OSBPL9: variants seen among roughly 807,000 people sequenced by gnomAD.
The protein encoded by OSBPL9 is oxysterol-binding protein-related protein 9.
OSBPL9 carries 40 observed loss-of-function variants against 106.6 expected under a neutral mutation model. The ratio of observed to expected loss-of-function variants is 0.38; its 90% CI spans 0.29 to 0.49. The LOEUF is 0.49. OSBPL9 is among the 20% of genes least tolerant of loss of function. OSBPL9 has a pLI of 0.97. For missense variants in OSBPL9, 609 were observed against 887.2 expected, an observed-to-expected ratio of 0.69 and a Z score of 3.98; for synonymous variants, 269 against 295.4, an observed-to-expected ratio of 0.91 and a Z score of 0.92.
the OSBPL9 span, among the ~76,000 whole-genome samples, chr1:51,570,264 A>G: frequency 1.3e-5 from 2 of 152,316 alleles, no homozygotes; most frequent in African/African-American, 4.8e-5. Flanking sequence ...CTCGTTACCA[A>G]TGTGTTTCAT....
intron 3 of OSBPL9, among the ~76,000 whole-genome samples, chr1:51,698,507 T>A (rs893116378): frequency 6.6e-6 from 1 of 152,214 alleles, no homozygotes; most frequent in African/African-American, 2.4e-5. Context: ...TGCATATGTA[T>A]GTATGAACTG....
At chr1:51,767,273 G>A (rs548873095) in intron 12 of OSBPL9, among the ~76,000 whole-genome samples, 10 of 151,614 alleles carry the variant, frequency 6.6e-5, no homozygotes, top group Admixed American at 1.3e-4. Flanking sequence ...CACGCCTGTC[G>A]TCCTAGCTAC....
At chr1:51,636,160 T>TG (rs1645431680) in intron 1 of OSBPL9, among the ~76,000 whole-genome samples, 2 of 137,582 alleles carry the variant, frequency 1.5e-5, no homozygotes, top group Non-Finnish European at 3.1e-5. Flanking sequence ...TTGTTTTTTT[T>TG]TTTTTTTTTT....
Position 51,788,103 on chromosome 1 carries a change from A to T in OSBPL9, c.*314A>T. ...ATCCAAGTCTGAAACTCTGCGCTCTAGTACTGCTGTTAAGATACACAACTT... is the reference window on the plus strand; with the variant it reads ...ATCCAAGTCTGAAACTCTGCGCTCTTGTACTGCTGTTAAGATACACAACTT... On this transcript the variant is annotated 3_prime_UTR_variant, in exon 24 of 24. Coordinates refer to ENST00000428468, the MANE Select transcript of OSBPL9 (RefSeq NM_024586.6). 2.9e-6 allele frequency: 1 copy of T among 343,774 alleles called. No individual in the cohort carries two copies. Among genetic ancestry groups the T allele is most frequent in the Non-Finnish European group, 5.4e-6 (1 of 184,518 alleles). The allele number at this position is 343,774 out of a possible 1,614,324, so 21.3% of individuals were successfully genotyped here. A position where few individuals can be genotyped will look rare whatever the true frequency, so the allele number is the denominator to read the frequency against.
At chr1:51,752,306 G>T (rs1669424362) in intron 8 of OSBPL9, among the ~76,000 whole-genome samples, 1 of 149,980 alleles carries the variant, frequency 6.7e-6, no homozygotes, top group South Asian at 2.1e-4. Flanking sequence ...ATTTACCACA[G>T]ATTGCCACTA....
At chr1:51,647,116 T>C (rs1175402382) in intron 1 of OSBPL9, among the ~76,000 whole-genome samples, 2 of 152,148 alleles carry the variant, frequency 1.3e-5, no homozygotes, top group Non-Finnish European at 2.9e-5. Context: ...GTTTGTTGAG[T>C]GGTTTTTATC....
At chr1:51,745,166 GA>G (rs1667726090) in intron 4 of OSBPL9, 1 of 173,958 alleles carries the variant, frequency 5.7e-6, no homozygotes, top group Non-Finnish European at 1.2e-5. Flanking sequence ...TGAAAAAGGG[GA>G]AAATAGAAGT....
At position 51,772,756 on chromosome 1, in the gene OSBPL9, T is replaced by A. The variant is rs750451775; in HGVS notation, c.1170+33T>A. ...CAAATTTGCTGTAAGTCTGTGTGGG[T>A]ATGTATGGATTCTCAGTGATTGCGT... On this transcript the variant is annotated intron_variant, in intron 14 of 23. Coordinates refer to ENST00000428468, the MANE Select transcript of OSBPL9 (RefSeq NM_024586.6). The A allele has an allele frequency of 1.0e-5, 15 of 1,429,106 alleles. No homozygotes were observed. In the African/African-American group the frequency reaches 1.8e-4, roughly 17 times the overall value. The allele number at this position is 1,429,106 out of a possible 1,614,324, so 88.5% of individuals were successfully genotyped here.
At chr1:51,701,514 C>T (rs968234453) in intron 3 of OSBPL9, among the ~76,000 whole-genome samples, 1 of 152,068 alleles carries the variant, frequency 6.6e-6, no homozygotes, top group Non-Finnish European at 1.5e-5. Flanking sequence ...ATAACATACT[C>T]ACTTGTCTGT....
chr1:51,602,082 G>A (rs542572369), intron 2 of OSBPL9, among the ~76,000 whole-genome samples: 3 of 128,284 alleles, frequency 2.3e-5, no homozygotes, highest in African/African-American at 8.8e-5. Context: ...CTGCAGTGGC[G>A]CGATCTCGGC....
At chr1:51,530,490 A>G in the OSBPL9 span, among the ~76,000 whole-genome samples, 1 of 151,716 alleles carries the variant, frequency 6.6e-6, no homozygotes, top group African/African-American at 2.4e-5. Flanking sequence ...GGTGGCTCAC[A>G]CCTGTAATCC....
Position 51,787,888 on chromosome 1 carries a change from C to CTAAT in OSBPL9, c.*102_*105dup, listed in dbSNP as rs578211694. On this transcript the variant is annotated 3_prime_UTR_variant, in exon 24 of 24. Coordinates refer to ENST00000428468, the MANE Select transcript of OSBPL9 (RefSeq NM_024586.6). ...GGAGAAACCTGTTCATTCCAATCTT[C>CTAAT]TAATTACAGTGGTTCCTATCTCAGG... 483 of 1,069,928 alleles carry CTAAT rather than the reference C, an allele frequency of 4.5e-4. No homozygotes were observed. The highest frequency in any genetic ancestry group is 6.7e-4 in the Non-Finnish European group (467 of 700,526). 66.3% of individuals were successfully genotyped at this position (1,069,928 alleles called of 1,614,324 possible).
At chr1:51,745,495 C>T (rs528005542) in intron 4 of OSBPL9, 41 bp from the exon 5 acceptor site, 1 of 1,597,370 alleles carries the variant, frequency 6.3e-7, no homozygotes, top group South Asian at 1.1e-5. Context: ...TTAAACTTTG[C>T]TTGGGTTCTG....
intron 3 of OSBPL9, among the ~76,000 whole-genome samples, chr1:51,677,733 T>C (rs1651611717): frequency 6.6e-6 from 1 of 152,058 alleles, no homozygotes; most frequent in Admixed American, 6.6e-5. Flanking sequence ...GTATTTTTGG[T>C]AGAGACGGGG....
At chr1:51,731,536 G>A (rs544727145) in intron 4 of OSBPL9, among the ~76,000 whole-genome samples, 41 of 152,134 alleles carry the variant, frequency 2.7e-4, no homozygotes, top group Non-Finnish European at 4.7e-4. Flanking sequence ...CAGCACTTTG[G>A]GAGGCCGAGG....
At chr1:51,681,498 C>T (rs898896791) in intron 3 of OSBPL9, among the ~76,000 whole-genome samples, 4 of 151,970 alleles carry the variant, frequency 2.6e-5, no homozygotes, top group African/African-American at 7.3e-5. Flanking sequence ...AATGATTTCT[C>T]GGTTGTATTA....
intron 8 of OSBPL9, among the ~76,000 whole-genome samples, chr1:51,753,852 C>G (rs1399456441): frequency 6.6e-6 from 1 of 152,174 alleles, no homozygotes; most frequent in Non-Finnish European, 1.5e-5. Flanking sequence ...GTTCTGATTC[C>G]TGGCTCCCAT....
At chr1:51,548,221 TC>T in the OSBPL9 span, among the ~76,000 whole-genome samples, 1 of 152,126 alleles carries the variant, frequency 6.6e-6, no homozygotes, top group Admixed American at 6.6e-5. Context: ...GGCATTTTTT[TC>T]TTGTTAAAAT....
chr1:51,748,286 T>C (rs1221299751), intron 6 of OSBPL9, 83 bp from the exon 7 acceptor site: 18 of 1,455,914 alleles, frequency 1.2e-5, no homozygotes, highest in African/African-American at 1.5e-5. Context: ...TTGGTAAAAT[T>C]CTTTAAATGA....
Sources: allele counts gnomAD v4.1 joint callset (sites outside exome capture counted in the v4.1 genomes callset), GRCh38; gene constraint gnomAD v4.1.1; transcripts MANE v1.5; gene names NCBI Gene and HGNC (gene_info 2026-07-23, HGNC 2026-07-21).